Variants in TRIQK observed in about 807,000 individuals in gnomAD.
TRIQK encodes the protein triple QxxK/R motif containing.
In TRIQK, 10 loss-of-function variants were observed where a neutral mutation model predicts 10.8. The observed-to-expected ratio is 0.92, with a 90% CI of 0.57 to 1.57. The LOEUF is 1.57. Among genes scored for constraint, TRIQK ranks in the 40% most tolerant of loss-of-function variants. The probability of loss-of-function intolerance (pLI) is 0.00; values close to 1 mark genes in which losing one functional copy is unlikely to be tolerated. For missense variants in TRIQK, 107 were observed against 97.7 expected (o/e 1.09, Z -0.40); for synonymous variants, 33 against 33.7 (o/e 0.98, Z 0.07).
chr8:92,949,520 A>AAAAG (rs761719586), intron 2 of TRIQK, among the ~76,000 whole-genome samples: 1 of 145,706 alleles, frequency 6.9e-6, no homozygotes, highest in Non-Finnish European at 1.5e-5. Flanking sequence ...TCAAGGAAGA[A>AAAAG]AAAGAAAGAA....
intron 1 of TRIQK, among the ~76,000 whole-genome samples, chr8:93,002,200 C>A (rs72660405): frequency 0.032 from 4,805 of 152,052 alleles, 117 homozygotes; most frequent in South Asian, 0.049. Flanking sequence ...CCAAACATTG[C>A]ACCTCAAGGA....
At chr8:92,940,094 C>A (rs192667060) in intron 2 of TRIQK, among the ~76,000 whole-genome samples, 1 of 152,066 alleles carries the variant, frequency 6.6e-6, no homozygotes, top group Non-Finnish European at 1.5e-5. Context: ...GACATCACAG[C>A]GAAGGTAGTG....
At chr8:93,012,763 A>C (rs1813347540) in intron 1 of TRIQK, among the ~76,000 whole-genome samples, 1 of 152,144 alleles carries the variant, frequency 6.6e-6, no homozygotes, top group African/African-American at 2.4e-5. Context: ...CTCTGAATAA[A>C]AGGGTAAAAA....
chr8:92,889,701 G>C (rs1194649702), intron 4 of TRIQK, among the ~76,000 whole-genome samples: 1 of 151,546 alleles, frequency 6.6e-6, no homozygotes, highest in African/African-American at 2.4e-5. Context: ...TCAATTCAAT[G>C]TTCAATGTTT....
rs1208670656 is a variant in TRIQK at position 92,991,189 on chromosome 8, G to C, written c.-181+26420C>G. ...CAGCTCCACAAAGCCACTGTAGCCC[G>C]ACTGCCACTCTAGATTCCTCCTCTC... On this transcript the variant is annotated intron_variant, in intron 1 of 4. Transcript: ENST00000520686. Among the ~76,000 whole-genome samples, 7 of 152,188 alleles carry C rather than the reference G, an allele frequency of 4.6e-5. No individual in the cohort carries two copies. The East Asian group carries it at 1.4e-3, about 29-fold the overall frequency.
rs1305674866 is a variant in TRIQK, at chr8:92,924,932, C to CTAA, written c.-21-7925_-21-7923dup. On this transcript the variant is annotated intron_variant, in intron 2 of 4. Coordinates refer to ENST00000521988, the MANE Select transcript of TRIQK (RefSeq NM_001171797.2). The stretch of plus-strand genomic sequence containing the variant: ...CCCAGTTCACCTATACTTTGACAAA[C>CTAA]TAATGTCCTTTATAGCCTCAGAAAA... Among the ~76,000 whole-genome samples the CTAA allele has an allele frequency of 1.2e-4, 19 of 152,124 alleles. No individual in the cohort carries two copies. The East Asian group carries it at 3.1e-3, about 25-fold the overall frequency.
At chr8:92,987,550 G>A (rs1813047235) in intron 1 of TRIQK, among the ~76,000 whole-genome samples, 1 of 152,118 alleles carries the variant, frequency 6.6e-6, no homozygotes, top group Non-Finnish European at 1.5e-5. Flanking sequence ...TTGAATACTA[G>A]CAGTCTTAAG....
At chr8:93,012,730 C>T (rs1169957525) in intron 1 of TRIQK, among the ~76,000 whole-genome samples, 1 of 152,152 alleles carries the variant, frequency 6.6e-6, no homozygotes, top group Non-Finnish European at 1.5e-5. Flanking sequence ...ATTTTGTCAG[C>T]AGGTTTGTTT....
intron 2 of TRIQK, among the ~76,000 whole-genome samples, chr8:92,919,282 G>T (rs1000678453): frequency 6.6e-6 from 1 of 151,828 alleles, no homozygotes; most frequent in Non-Finnish European, 1.5e-5. Flanking sequence ...TTTTGATAGA[G>T]ATTGCATTAA....
chr8:92,927,004 T>G (rs961656704), intron 2 of TRIQK, among the ~76,000 whole-genome samples: 1 of 152,092 alleles, frequency 6.6e-6, no homozygotes, highest in African/African-American at 2.4e-5. Context: ...TGAGCTCTGA[T>G]CATGCCACTG....
Position 92,990,758 on chromosome 8 carries a change from G to A in TRIQK, c.-181+26851C>T, listed in dbSNP as rs570224053. 5.3e-5 allele frequency among the ~76,000 whole-genome samples: 8 copies of A among 152,266 alleles called. No homozygotes were observed. The South Asian group carries it at 1.0e-3, about 20-fold the overall frequency. On this transcript the variant is annotated intron_variant, in intron 1 of 4. Transcript: ENST00000520686. ...GCTTTTCCCATGGTCATTGCAACCC[G>A]CAGACCAAGAGATTCCCTTGGGTGC...
intron 1 of TRIQK, among the ~76,000 whole-genome samples, chr8:92,972,214 A>G (rs1235446836): frequency 6.6e-6 from 1 of 152,106 alleles, no homozygotes; most frequent in Non-Finnish European, 1.5e-5. Context: ...CAGTCTGACA[A>G]TCTTTGATTT....
intron 1 of TRIQK, 184 bp downstream of exon 1, chr8:92,965,823 G>C (rs1005951433): frequency 6.6e-6 from 1 of 152,608 alleles, no homozygotes; most frequent in African/African-American, 2.4e-5. Flanking sequence ...GGGTTTCCCG[G>C]ACTCCGGGTT....
intron 1 of TRIQK, among the ~76,000 whole-genome samples, chr8:92,984,607 C>T (rs1257834219): frequency 6.6e-6 from 1 of 152,058 alleles, no homozygotes; most frequent in Non-Finnish European, 1.5e-5. Context: ...ATTATTCGAC[C>T]TTTCGAAACA....
intron 1 of TRIQK, among the ~76,000 whole-genome samples, chr8:92,955,345 T>C (rs1049714154): frequency 6.6e-6 from 1 of 151,778 alleles, no homozygotes; most frequent in Admixed American, 6.6e-5. Flanking sequence ...AGTAATAATA[T>C]GAAAGAATAA....
At chr8:92,902,250 G>T (rs550416200) in intron 3 of TRIQK, among the ~76,000 whole-genome samples, 5 of 152,132 alleles carry the variant, frequency 3.3e-5, no homozygotes, top group African/African-American at 1.2e-4. Context: ...TGAAACTCAG[G>T]TTCGTACCAC....
chr8:92,979,279 A>G, intron 1 of TRIQK, among the ~76,000 whole-genome samples: 1 of 152,124 alleles, frequency 6.6e-6, no homozygotes, highest in East Asian at 1.9e-4. Flanking sequence ...GCAATGTCAG[A>G]TCACGTTATA....
At chr8:92,941,453 A>C (rs975724843) in intron 2 of TRIQK, among the ~76,000 whole-genome samples, 4 of 152,212 alleles carry the variant, frequency 2.6e-5, no homozygotes, top group Admixed American at 2.0e-4. Context: ...AGCAGTTCTA[A>C]GAAATAAGTT....
At chr8:92,932,323 A>T (rs1455019740) in intron 2 of TRIQK, among the ~76,000 whole-genome samples, 2 of 152,142 alleles carry the variant, frequency 1.3e-5, no homozygotes, top group Non-Finnish European at 2.9e-5. Context: ...AACAAAGCAT[A>T]ATCAATGTGA....
Sources: allele counts gnomAD v4.1 joint callset (sites outside exome capture counted in the v4.1 genomes callset), GRCh38; gene constraint gnomAD v4.1.1; transcripts MANE v1.5; gene names NCBI Gene and HGNC (gene_info 2026-07-23, HGNC 2026-07-21).